CYP7B1: variants seen among roughly 807,000 people sequenced by gnomAD.
The protein encoded by CYP7B1 is cytochrome P450 7B1.
CYP7B1 carries 29 observed loss-of-function variants against 42.7 expected under a neutral mutation model. That is an observed-to-expected ratio of 0.68 (90% CI 0.51 to 0.93). The LOEUF (loss-of-function observed/expected upper bound fraction) is 0.93. Among genes scored for constraint, CYP7B1 ranks in the 40% least tolerant of loss-of-function variants. The pLI is 0.00. For synonymous variants in CYP7B1, 235 were observed against 218.2 expected, an observed-to-expected ratio of 1.08 and a Z score of -0.68; for missense variants, 655 against 600.5, an observed-to-expected ratio of 1.09 and a Z score of -0.95.
intron 1 of CYP7B1, among the ~76,000 whole-genome samples, chr8:64,742,547 C>T (rs974275242): frequency 1.1e-4 from 17 of 152,180 alleles, no homozygotes; most frequent in Non-Finnish European, 2.5e-4. Flanking sequence ...CAAAACACTA[C>T]ACTCTGGGTG....
At position 64,734,850 on chromosome 8, in the gene CYP7B1, T is replaced by C. The variant is rs1315770955; in HGVS notation, c.122+63616A>G. Among the ~76,000 whole-genome samples the C allele has an allele frequency of 2.0e-5, 3 of 152,204 alleles. No individual in the cohort carries two copies. The East Asian group carries it at 5.8e-4, about 29-fold the overall frequency. ...ACTTTTTTTTAAACAAAAGCATAAG[T>C]ATACTGGTTGCCTGAAAATTAGGTT... On this transcript the variant is annotated intron_variant, in intron 1 of 5. Transcript: ENST00000310193.
At chr8:64,672,043 T>G (rs756939772) in intron 1 of CYP7B1, among the ~76,000 whole-genome samples, 1 of 152,152 alleles carries the variant, frequency 6.6e-6, no homozygotes, top group Non-Finnish European at 1.5e-5. Context: ...AGAGCTGACA[T>G]TCTCATTACT....
intron 1 of CYP7B1, among the ~76,000 whole-genome samples, chr8:64,661,281 C>T (rs1384852574): frequency 2.0e-5 from 3 of 152,106 alleles, no homozygotes; most frequent in South Asian, 2.1e-4. Context: ...TAGGTTTCTT[C>T]GAGTTGAAAG....
chr8:64,742,167 AC>A (rs1807579389), intron 1 of CYP7B1, among the ~76,000 whole-genome samples: 1 of 152,230 alleles, frequency 6.6e-6, no homozygotes, highest in Admixed American at 6.5e-5. Flanking sequence ...TATGATCTGT[AC>A]TGTCAATTTA....
chr8:64,690,205 C>T (rs926618265), intron 1 of CYP7B1, among the ~76,000 whole-genome samples: 7 of 152,188 alleles, frequency 4.6e-5, no homozygotes, highest in Middle Eastern at 3.4e-3. Context: ...GAGACCAACC[C>T]GGGCAACATA....
At chr8:64,706,968 T>A (rs991205759) in intron 1 of CYP7B1, among the ~76,000 whole-genome samples, 1 of 152,034 alleles carries the variant, frequency 6.6e-6, no homozygotes, top group Admixed American at 6.6e-5. Flanking sequence ...GAGCAATTCA[T>A]CCACTTAATA....
rs113473170 is a variant in CYP7B1 at position 64,596,113 on chromosome 8, T to C, written c.*529A>G. On this transcript the variant is annotated 3_prime_UTR_variant, in exon 6 of 6. Coordinates refer to ENST00000310193, the MANE Select transcript of CYP7B1 (RefSeq NM_004820.5). ...GCATTCAATCTACTGTGAAACTCAT[T>C]TAATGCACACATACCCTGGAAATAT... 0.037 allele frequency: 5,957 copies of C among 162,290 alleles called. 356 individuals carry two copies. Among genetic ancestry groups the C allele is most frequent in the African/African-American group, 0.13 (5,420 of 41,692 alleles). 10.1% of individuals were successfully genotyped at this position (162,290 alleles called of 1,614,324 possible). A position where few individuals can be genotyped will look rare whatever the true frequency, so the allele number is the denominator to read the frequency against.
At chr8:64,668,289 T>G (rs1806312682) in intron 1 of CYP7B1, among the ~76,000 whole-genome samples, 1 of 152,134 alleles carries the variant, frequency 6.6e-6, no homozygotes, top group African/African-American at 2.4e-5. Flanking sequence ...TTAGCGACCA[T>G]CTATCAAAAA....
Position 64,798,574 on chromosome 8 carries a change from A to G in CYP7B1, c.14T>C (p.Val5Ala), listed in dbSNP as rs536007438. 33 of 1,479,568 alleles carry G rather than the reference A, an allele frequency of 2.2e-5. No homozygotes were observed. In the South Asian group the frequency reaches 4.0e-4, roughly 18 times the overall value. The allele number at this position is 1,479,568 out of a possible 1,614,324, so 91.7% of individuals were successfully genotyped here. MAGE[V>A]SAATGRFSLE... ...CGAAAAGCGGCCCGTGGCCGCGGAC[A>G]CTTCTCCTGCCATCCGGCGCGCGCT... The change falls in exon 1 of 6, where the codon GTG (valine) becomes GCG (alanine). Residue 5 changes from valine to alanine, a missense_variant. Val to Ala is a moderately conservative substitution (Grantham distance 64, BLOSUM62 0). Transcript: ENST00000310193.
chr8:64,648,411 G>T (rs1805986663), intron 1 of CYP7B1, among the ~76,000 whole-genome samples: 2 of 152,162 alleles, frequency 1.3e-5, no homozygotes, highest in South Asian at 4.1e-4. Context: ...GATGGTACCT[G>T]TCCTGGCCAC....
intron 1 of CYP7B1, among the ~76,000 whole-genome samples, chr8:64,795,987 T>G (rs1804697463): frequency 6.6e-6 from 1 of 152,252 alleles, no homozygotes; most frequent in African/African-American, 2.4e-5. Flanking sequence ...ACCATTTTTA[T>G]AGGTAATATT....
intron 1 of CYP7B1, among the ~76,000 whole-genome samples, chr8:64,785,958 G>C (rs1329460095): frequency 6.6e-6 from 1 of 152,146 alleles, no homozygotes; most frequent in African/African-American, 2.4e-5. Context: ...ACAGAGAAGT[G>C]CCAGCAGGGG....
chr8:64,732,582 T>A (rs751919620), intron 1 of CYP7B1, among the ~76,000 whole-genome samples: 11 of 152,272 alleles, frequency 7.2e-5, no homozygotes, highest in Non-Finnish European at 1.6e-4. Flanking sequence ...TAAGTTACGA[T>A]GTTGGGGAAC....
intron 1 of CYP7B1, among the ~76,000 whole-genome samples, chr8:64,756,950 G>A (rs1314308881): frequency 1.3e-5 from 2 of 152,198 alleles, no homozygotes; most frequent in African/African-American, 4.8e-5. Flanking sequence ...ACATCTCTGA[G>A]TCAGACGTAC....
intron 1 of CYP7B1, among the ~76,000 whole-genome samples, chr8:64,741,864 G>A (rs918756160): frequency 6.6e-6 from 1 of 152,150 alleles, no homozygotes; most frequent in African/African-American, 2.4e-5. Context: ...TAAATATATG[G>A]TAGAGATAAA....
chr8:64,654,007 G>C (rs1412813067), intron 1 of CYP7B1, among the ~76,000 whole-genome samples: 1 of 152,074 alleles, frequency 6.6e-6, no homozygotes, highest in Admixed American at 6.6e-5. Context: ...AATAGATATT[G>C]TAGAAACACA....
chr8:64,734,172 A>G (rs1056050788), intron 1 of CYP7B1, among the ~76,000 whole-genome samples: 5 of 152,176 alleles, frequency 3.3e-5, no homozygotes, highest in African/African-American at 1.2e-4. Context: ...TTCAATTCTT[A>G]TAACTAATAA....
At chr8:64,643,102 T>TATATATACATATATATACACAC (rs1563374173) in intron 1 of CYP7B1, among the ~76,000 whole-genome samples, 2 of 143,288 alleles carry the variant, frequency 1.4e-5, no homozygotes, top group Non-Finnish European at 3.0e-5. Context: ...TATATACACA[T>TATATATACATATATATACACAC]ATATATACAT....
chr8:64,773,164 A>G (rs1174876439), intron 1 of CYP7B1, among the ~76,000 whole-genome samples: 7 of 152,182 alleles, frequency 4.6e-5, no homozygotes, highest in African/African-American at 1.4e-4. Flanking sequence ...ATAAGTGCAG[A>G]TATTTTTTGT....
Sources: allele counts gnomAD v4.1 joint callset (sites outside exome capture counted in the v4.1 genomes callset), GRCh38; gene constraint gnomAD v4.1.1; transcripts MANE v1.5; gene names NCBI Gene and HGNC (gene_info 2026-07-23, HGNC 2026-07-21).